Variants in KPNB1 observed in about 807,000 individuals in gnomAD.
KPNB1 encodes the protein karyopherin subunit beta 1.
Under a neutral mutation model 113.0 loss-of-function variants are expected in KPNB1, and 7 were observed. The observed-to-expected ratio is 0.06, with a 90% CI of 0.04 to 0.12. The LOEUF (loss-of-function observed/expected upper bound fraction) is 0.12. KPNB1 is among the 10% of genes least tolerant of loss of function. KPNB1 has a pLI of 1.00. For missense variants in KPNB1, 400 were observed against 1,054.8 expected (o/e 0.38, Z 8.60); for synonymous variants, 363 against 378.6 (o/e 0.96, Z 0.48).
chr17:47,652,830 G>C lies in KPNB1; in HGVS notation c.236G>C (p.Arg79Thr). ...DPDIKAQYQQ[R>T]WLAIDANARR... Reference sequence around the variant, plus strand: ...GATATCAAGGCACAATATCAGCAGAGGTGGCTTGCTATTGATGCTAATGCT... The same window carrying C: ...GATATCAAGGCACAATATCAGCAGACGTGGCTTGCTATTGATGCTAATGCT... Residue 79 changes from arginine to threonine, a missense_variant, in exon 3 of 22, where the codon AGG (arginine) becomes ACG (threonine). This residue lies in a region of KPNB1 where 285 missense variants were observed against 627.0 expected (regional missense o/e 0.45). Coordinates refer to ENST00000290158, the MANE Select transcript of KPNB1 (RefSeq NM_002265.6). The C allele has an allele frequency of 1.2e-6, 2 of 1,609,288 alleles. No homozygotes were observed. The highest frequency in any genetic ancestry group is 1.7e-6 in the Non-Finnish European group (2 of 1,178,502).
chr17:47,680,505 C>T lies in KPNB1; in HGVS notation c.2469-3C>T. 6.2e-7 allele frequency: 1 copy of T among 1,614,028 alleles called. No individual in the cohort carries two copies. Among genetic ancestry groups the T allele is most frequent in the Non-Finnish European group, 8.5e-7 (1 of 1,179,916 alleles). ...CATTCTCAGCTGTGTTTGTTTTGCACAGGGACTTATGTACAGCATTTGGGA... is the reference window on the plus strand; with the variant it reads ...CATTCTCAGCTGTGTTTGTTTTGCATAGGGACTTATGTACAGCATTTGGGA... On this transcript the variant is annotated splice_region_variant and splice_polypyrimidine_tract_variant and intron_variant, in intron 20 of 21. Transcript: ENST00000290158.
intron 6 of KPNB1, 125 bp from the exon 7 acceptor site, chr17:47,662,963 GA>G: frequency 1.4e-6 from 1 of 701,970 alleles, no homozygotes; most frequent in Non-Finnish European, 2.6e-6. Context: ...GAATTTTAGG[GA>G]AATGATAACG....
intron 6 of KPNB1, among the ~76,000 whole-genome samples, chr17:47,662,436 C>T (rs974161734): frequency 3.3e-5 from 5 of 151,886 alleles, no homozygotes; most frequent in African/African-American, 1.2e-4. Context: ...ATTAGCTGTG[C>T]GTGATGGGGC....
intron 3 of KPNB1, among the ~76,000 whole-genome samples, chr17:47,654,212 C>A (rs1211684952): frequency 6.6e-6 from 1 of 152,064 alleles, no homozygotes; most frequent in African/African-American, 2.4e-5. Context: ...GTCAGGAGTT[C>A]GAGACCAGCC....
intron 21 of KPNB1, 126 bp downstream of exon 21, chr17:47,680,795 G>C: frequency 1.1e-6 from 1 of 895,980 alleles, no homozygotes; most frequent in East Asian, 2.7e-5. Flanking sequence ...TCCCATGTAG[G>C]TGCTTCTGAG....
In KPNB1 at chr17:47,683,604, TCAAA is replaced by T. The variant is rs2030862346; in HGVS notation, c.*1204_*1207del. 6.6e-6 allele frequency: 1 copy of T among 152,576 alleles called. No individual in the cohort carries two copies. The highest frequency in any genetic ancestry group is 1.5e-5 in the Non-Finnish European group (1 of 68,024). 9.5% of individuals were successfully genotyped at this position (152,576 alleles called of 1,614,324 possible). ...ATTGCAAACAGGATAAATTAAATGT[TCAAA>T]CAATCTGATAAAATAACCATTTGGA... On this transcript the variant is annotated 3_prime_UTR_variant, in exon 22 of 22. Transcript: ENST00000290158.
In KPNB1 at chr17:47,682,625, G is replaced by GA; in HGVS notation, c.*225dup. ...GAGCTAAGTAAGCACTGACTTCGTA[G>GA]AAAACCATAACATCGGCCATCTTGG... On this transcript the variant is annotated 3_prime_UTR_variant, in exon 22 of 22. Transcript: ENST00000290158. 1 of 551,634 alleles carries GA rather than the reference G, an allele frequency of 1.8e-6. No individual in the cohort carries two copies. Among genetic ancestry groups the GA allele is most frequent in the South Asian group, 2.5e-5 (1 of 40,592 alleles). 34.2% of individuals were successfully genotyped at this position (551,634 alleles called of 1,614,324 possible).
intron 2 of KPNB1, 118 bp downstream of exon 2, chr17:47,650,562 C>CCCCCCTCCCCCTCCCCCCT: frequency 1.4e-6 from 1 of 721,922 alleles, no homozygotes; most frequent in East Asian, 2.8e-5. Flanking sequence ...CCGTCCCCCT[C>CCCCCCTCCCCCTCCCCCCT]CCCCCTCCCC....
chr17:47,677,994 TTG>T (rs2143174868), intron 17 of KPNB1, 50 bp from the exon 18 acceptor site: 1 of 1,562,782 alleles, frequency 6.4e-7, no homozygotes, highest in Non-Finnish European at 8.8e-7. Flanking sequence ...TCATGAATCT[TTG>T]GACCAAACAA....
rs1416918272 is a variant in KPNB1, at chr17:47,670,735, G to A, written c.1450G>A (p.Ala484Thr). The A allele has an allele frequency of 6.2e-7, 1 of 1,612,946 alleles. No individual in the cohort carries two copies. Among genetic ancestry groups the A allele is most frequent in the Non-Finnish European group, 8.5e-7 (1 of 1,179,094 alleles). The change falls in exon 12 of 22, where the codon GCT becomes ACT. Residue 484 changes from alanine to threonine, a missense_variant. Transcript: ENST00000290158. ...CAGTCTGGCTGAAGCTGCTTATGAA[G>A]CTGCAGACGTTGCTGATGATCAGGA... ...FSSLAEAAYEAADVADDQEEP... is the reference protein window; with the variant it reads ...FSSLAEAAYETADVADDQEEP...
At chr17:47,656,589 A>T (rs958066748) in intron 3 of KPNB1, among the ~76,000 whole-genome samples, 4 of 150,992 alleles carry the variant, frequency 2.6e-5, no homozygotes, top group Non-Finnish European at 4.4e-5. Context: ...CCCTGTCTCA[A>T]CAAAAGATAG....
In KPNB1 at chr17:47,664,181, G is replaced by A; in HGVS notation, c.809G>A (p.Ser270Asn). 1 of 1,612,960 alleles carries A rather than the reference G, an allele frequency of 6.2e-7. No homozygotes were observed. Among genetic ancestry groups the A allele is most frequent in the Non-Finnish European group, 8.5e-7 (1 of 1,179,074 alleles). ...AAGATCACAATCGAAGCAATGAAAAGTGACATTGATGAGGTGGCTTTACAA... is the reference window on the plus strand; with the variant it reads ...AAGATCACAATCGAAGCAATGAAAAATGACATTGATGAGGTGGCTTTACAA... ...LFAITIEAMK[S>N]DIDEVALQGI... Residue 270 changes from serine (S) to asparagine (N), a missense_variant, in exon 8 of 22, where the codon AGT (serine) becomes AAT (asparagine). Physicochemically the swap from Ser to Asn is conservative, Grantham distance 46. Around this residue, in one of 2 missense-constraint regions of KPNB1, gnomAD observed 285 missense variants for 627.0 expected, o/e 0.45. Transcript: ENST00000290158.
intron 3 of KPNB1, among the ~76,000 whole-genome samples, chr17:47,654,179 C>G (rs1770637774): frequency 6.6e-6 from 1 of 152,100 alleles, no homozygotes. Flanking sequence ...CTTTGAGAGG[C>G]CGAGGTGGGT....
At chr17:47,654,709 ATATGGAG>A (rs1375052399) in intron 3 of KPNB1, among the ~76,000 whole-genome samples, 1 of 152,208 alleles carries the variant, frequency 6.6e-6, no homozygotes, top group Non-Finnish European at 1.5e-5. Context: ...ACCTCAAGTA[ATATGGAG>A]TCTTCAGAAA....
intron 9 of KPNB1, among the ~76,000 whole-genome samples, chr17:47,666,545 A>ATG (rs1567891427): frequency 0.16 from 20,233 of 125,712 alleles, 1,916 homozygotes; most frequent in Admixed American, 0.29. Context: ...TATATTATAT[A>ATG]TTATATATTA....
intron 9 of KPNB1, among the ~76,000 whole-genome samples, chr17:47,666,437 TATATA>T (rs1043064213): frequency 1.4e-5 from 2 of 143,306 alleles, no homozygotes; most frequent in African/African-American, 5.2e-5. Context: ...ATATATATAT[TATATA>T]TTTTATATAT....
chr17:47,677,604 ATG>A (rs2030654011), intron 17 of KPNB1, among the ~76,000 whole-genome samples: 1 of 152,214 alleles, frequency 6.6e-6, no homozygotes, highest in Non-Finnish European at 1.5e-5. Context: ...AGTTAAAGGA[ATG>A]TGTGCTCTAT....
At chr17:47,665,297 T>G (rs2030234301) in intron 9 of KPNB1, 139 bp downstream of exon 9, 3 of 673,574 alleles carry the variant, frequency 4.5e-6, no homozygotes, top group Non-Finnish European at 5.2e-6. Flanking sequence ...ACAGCTAAGC[T>G]GCATCTATAA....
intron 3 of KPNB1, 117 bp from the exon 4 acceptor site, chr17:47,656,743 G>A (rs1359712844): frequency 1.0e-6 from 1 of 1,000,908 alleles, no homozygotes; most frequent in Non-Finnish European, 1.5e-6. Context: ...GTGAGACCCT[G>A]TCTTAAGAAA....
Sources: gnomAD v4.1 joint callset for allele counts (sites outside exome capture counted in the v4.1 genomes callset) on GRCh38, gnomAD v4.1.1 for gene constraint, gnomAD v4.1.1 regional missense constraint, MANE v1.5 for transcripts, NCBI Gene and HGNC (gene_info 2026-07-23, HGNC 2026-07-21) for gene names.